FARS2: variants seen among roughly 807,000 people sequenced by gnomAD.
FARS2 encodes the protein phenylalanine--tRNA ligase, mitochondrial.
FARS2 carries 40 observed loss-of-function variants against 46.4 expected under a neutral mutation model. The observed-to-expected ratio is 0.86, with a 90% confidence interval of 0.67 to 1.12. The LOEUF (loss-of-function observed/expected upper bound fraction) is 1.12. Among genes scored for constraint, FARS2 ranks in the 50% most tolerant of loss-of-function variants. FARS2 has a pLI of 0.00. For missense variants in FARS2, 513 were observed against 567.9 expected, an observed-to-expected ratio of 0.90 and a Z score of 0.98; for synonymous variants, 234 against 214.9, an observed-to-expected ratio of 1.09 and a Z score of -0.78.
rs371373163 is a variant in FARS2, at chr6:5,273,943, G to A, written c.-22+12283G>A. 2.5e-4 allele frequency among the ~76,000 whole-genome samples: 38 copies of A among 152,276 alleles called. No homozygotes were observed. The South Asian group carries it at 7.9e-3, about 32-fold the overall frequency. On this transcript the variant is annotated intron_variant, in intron 1 of 6. Coordinates refer to ENST00000274680, the MANE Select transcript of FARS2 (RefSeq NM_006567.5). ...CACCTTTGTGGAAAATAAATTGACT[G>A]TAAATGTATTGATTTATATCTGGTT...
chr6:5,385,658 TC>T (rs1760078734), intron 2 of FARS2, among the ~76,000 whole-genome samples: 1 of 152,144 alleles, frequency 6.6e-6, no homozygotes, highest in South Asian at 2.1e-4. Context: ...TCTCTTGACC[TC>T]GTGGTCTGTC....
chr6:5,320,022 A>G (rs556660026), intron 1 of FARS2, among the ~76,000 whole-genome samples: 1 of 152,220 alleles, frequency 6.6e-6, no homozygotes, highest in Admixed American at 6.5e-5. Flanking sequence ...TTTCCAGAAG[A>G]TGTTCTTTAG....
chr6:5,472,498 G>T (rs1253669901), intron 4 of FARS2, among the ~76,000 whole-genome samples: 2 of 152,166 alleles, frequency 1.3e-5, no homozygotes, highest in Middle Eastern at 3.2e-3. Flanking sequence ...ATCAGATACA[G>T]CTGGCACTAT....
At chr6:5,717,933 T>TGGAGAGAGAGAGAGAGAGAGAGAGAG (rs1554128878) in intron 6 of FARS2, among the ~76,000 whole-genome samples, 23 of 128,220 alleles carry the variant, frequency 1.8e-4, no homozygotes, top group Non-Finnish European at 2.8e-4. Context: ...TATATATATA[T>TGGAGAGAGAGAGAGAGAGAGAGAGAG]ATACAGAGTC....
intron 1 of FARS2, among the ~76,000 whole-genome samples, chr6:5,325,669 G>T (rs1770320465): frequency 6.6e-6 from 1 of 152,172 alleles, no homozygotes; most frequent in Non-Finnish European, 1.5e-5. Flanking sequence ...TGGTGTACTT[G>T]TTTATGAACA....
At chr6:5,465,997 G>A (rs975797271) in intron 4 of FARS2, among the ~76,000 whole-genome samples, 2 of 152,106 alleles carry the variant, frequency 1.3e-5, no homozygotes, top group Non-Finnish European at 2.9e-5. Context: ...ACTCTGTGGT[G>A]TGTGGCCCTT....
intron 1 of FARS2, 58 bp from the exon 2 acceptor site, chr6:5,368,492 A>G: frequency 6.8e-7 from 1 of 1,468,080 alleles, no homozygotes; most frequent in Non-Finnish European, 9.2e-7. Context: ...TGCAAAGAAC[A>G]CACTTGCTTT....
intron 6 of FARS2, among the ~76,000 whole-genome samples, chr6:5,675,182 C>T (rs958818835): frequency 4.1e-5 from 6 of 147,832 alleles, no homozygotes; most frequent in Admixed American, 6.8e-5. Flanking sequence ...AATAAAAATG[C>T]GTTATATTTG....
At chr6:5,259,370 A>T (rs1764840141), upstream of FARS2, among the ~76,000 whole-genome samples, 1 of 152,072 alleles carries the variant, frequency 6.6e-6, no homozygotes, top group Non-Finnish European at 1.5e-5. Flanking sequence ...TTATTATTAC[A>T]CTCTTTATTC....
intron 3 of FARS2, among the ~76,000 whole-genome samples, chr6:5,404,944 G>A (rs1213026318): frequency 2.0e-5 from 3 of 151,722 alleles, no homozygotes; most frequent in Non-Finnish European, 2.9e-5. Flanking sequence ...GATTATAGGC[G>A]CCCATCACCA....
intron 3 of FARS2, among the ~76,000 whole-genome samples, chr6:5,422,476 C>G (rs1490725275): frequency 6.6e-6 from 1 of 152,012 alleles, no homozygotes; most frequent in Non-Finnish European, 1.5e-5. Context: ...GTGTTGGAAG[C>G]TGAGTTAATG....
chr6:5,417,613 GTCTTTGTTTTTCTGT>G (rs1762315307), intron 3 of FARS2, among the ~76,000 whole-genome samples: 4 of 152,088 alleles, frequency 2.6e-5, no homozygotes, highest in African/African-American at 4.8e-5. Flanking sequence ...CTTTGCTTTT[GTCTTTGTTTTTCTGT>G]ACATAATGTG....
intron 1 of FARS2, among the ~76,000 whole-genome samples, chr6:5,263,966 C>G (rs1765370246): frequency 6.6e-6 from 1 of 152,188 alleles, no homozygotes; most frequent in Admixed American, 6.5e-5. Context: ...AATCCCAGCA[C>G]TTTGGGAGGT....
chr6:5,250,922 A>T, the FARS2 span, among the ~76,000 whole-genome samples: 1 of 152,242 alleles, frequency 6.6e-6, no homozygotes, highest in Non-Finnish European at 1.5e-5. Flanking sequence ...ATACAATGTT[A>T]TTTAAAAAAT....
chr6:5,553,027 T>C (rs1448187756), intron 5 of FARS2, among the ~76,000 whole-genome samples: 1 of 152,258 alleles, frequency 6.6e-6, no homozygotes, highest in Non-Finnish European at 1.5e-5. Context: ...TATTGAAAAT[T>C]ACTCAACATT....
chr6:5,523,972 A>G (rs750443522), intron 4 of FARS2, among the ~76,000 whole-genome samples: 1 of 151,806 alleles, frequency 6.6e-6, no homozygotes, highest in Middle Eastern at 3.4e-3. Flanking sequence ...CAAAGGGGTC[A>G]TGTTTCCAAG....
chr6:5,351,123 G>C (rs1757546212), intron 1 of FARS2, among the ~76,000 whole-genome samples: 1 of 152,166 alleles, frequency 6.6e-6, no homozygotes, highest in Non-Finnish European at 1.5e-5. Flanking sequence ...GGCTATACTT[G>C]TTTCTCTGTA....
intron 5 of FARS2, among the ~76,000 whole-genome samples, chr6:5,567,409 T>C (rs1188485714): frequency 6.6e-6 from 1 of 152,248 alleles, no homozygotes; most frequent in South Asian, 2.1e-4. Flanking sequence ...CATTTGCAAA[T>C]GTGGCCATCG....
intron 2 of FARS2, among the ~76,000 whole-genome samples, chr6:5,390,144 A>G (rs2432795): frequency 0.32 from 48,141 of 152,040 alleles, 8,114 homozygotes; most frequent in East Asian, 0.59. Context: ...GATTACAGGC[A>G]TGAGCCACTG....
Sources: allele counts gnomAD v4.1 joint callset (sites outside exome capture counted in the v4.1 genomes callset), GRCh38; gene constraint gnomAD v4.1.1; transcripts MANE v1.5; gene names NCBI Gene and HGNC (gene_info 2026-07-23, HGNC 2026-07-21).